NR3C2: variants seen among roughly 807,000 people sequenced by gnomAD.
NR3C2 encodes the protein mineralocorticoid receptor.
In NR3C2, 15 loss-of-function variants were observed where a neutral mutation model predicts 86.4. That is an observed-to-expected ratio of 0.17 (90% CI 0.12 to 0.27). NR3C2 has a LOEUF of 0.27. Among genes scored for constraint, NR3C2 ranks in the 10% least tolerant of loss-of-function variants. NR3C2 has a pLI of 1.00. For missense variants in NR3C2, 960 were observed against 1,195.6 expected (o/e 0.80, Z 2.91); for synonymous variants, 458 against 450.5 (o/e 1.02, Z -0.21).
intron 2 of NR3C2, among the ~76,000 whole-genome samples, chr4:148,429,237 G>A (rs1220341243): frequency 6.6e-6 from 1 of 152,064 alleles, no homozygotes; most frequent in African/African-American, 2.4e-5. Context: ...CCACTTACGA[G>A]CCAAATTTCA....
At chr4:148,205,127 G>A (rs147405665) in intron 3 of NR3C2, among the ~76,000 whole-genome samples, 23 of 152,288 alleles carry the variant, frequency 1.5e-4, no homozygotes, top group African/African-American at 5.1e-4. Context: ...GCATAGCCCA[G>A]TTTCTGAACA....
intron 2 of NR3C2, among the ~76,000 whole-genome samples, chr4:148,423,215 T>C (rs974771257): frequency 8.2e-6 from 1 of 121,646 alleles, no homozygotes; most frequent in African/African-American, 2.9e-5. Context: ...CCCTTTTATG[T>C]CATTCCTGAA....
At chr4:148,248,469 A>T (rs1384532202) in intron 3 of NR3C2, among the ~76,000 whole-genome samples, 1 of 152,198 alleles carries the variant, frequency 6.6e-6, no homozygotes, top group Admixed American at 6.5e-5. Flanking sequence ...AGATCTTGGT[A>T]CAGTTAATTA....
chr4:148,283,898 A>G (rs78361014), intron 2 of NR3C2, among the ~76,000 whole-genome samples: 1,879 of 152,310 alleles, frequency 0.012, 40 homozygotes, highest in African/African-American at 0.042. Flanking sequence ...CATAACACAC[A>G]GGAGACAACT....
chr4:148,151,595 T>G (rs1442304019), intron 6 of NR3C2, among the ~76,000 whole-genome samples: 1 of 152,230 alleles, frequency 6.6e-6, no homozygotes, highest in Non-Finnish European at 1.5e-5. Context: ...CTGGTACTAC[T>G]GAGGTGTGTT....
intron 2 of NR3C2, among the ~76,000 whole-genome samples, chr4:148,426,679 T>C (rs901512767): frequency 6.6e-6 from 1 of 152,224 alleles, no homozygotes; most frequent in African/African-American, 2.4e-5. Flanking sequence ...CAAAATGCAC[T>C]TTAAACTGTA....
In NR3C2 at chr4:148,318,345, T is replaced by C. The variant is rs539569587; in HGVS notation, c.1758-58228A>G. 4.6e-5 allele frequency among the ~76,000 whole-genome samples: 7 copies of C among 152,076 alleles called. No homozygotes were observed. The South Asian group carries it at 1.2e-3, about 27-fold the overall frequency. On this transcript the variant is annotated intron_variant, in intron 2 of 8. Transcript: ENST00000358102. ...ATGCCGCAATAAACATATGTGTCCA[T>C]GTGTCTTTATAGCAGCATGATTTAT... is the stretch of plus-strand genomic sequence containing the variant.
At chr4:148,211,530 TA>T (rs1737283495) in intron 3 of NR3C2, among the ~76,000 whole-genome samples, 1 of 152,186 alleles carries the variant, frequency 6.6e-6, no homozygotes. Context: ...AAAAATATAT[TA>T]GGAAAAAGCC....
chr4:148,380,290 T>C (rs1253143965), intron 2 of NR3C2, among the ~76,000 whole-genome samples: 1 of 152,224 alleles, frequency 6.6e-6, no homozygotes, highest in Non-Finnish European at 1.5e-5. Context: ...CATGTATCAG[T>C]ACTTCATCCA....
chr4:148,366,469 TTAAAAAGTACTCA>T (rs1746138742), intron 2 of NR3C2, among the ~76,000 whole-genome samples: 1 of 152,204 alleles, frequency 6.6e-6, no homozygotes, highest in African/African-American at 2.4e-5. Context: ...AGAATACTTT[TTAAAAAGTACTCA>T]GCACTTTTAA....
chr4:148,440,087 C>G (rs1750263665), intron 1 of NR3C2, among the ~76,000 whole-genome samples: 2 of 152,198 alleles, frequency 1.3e-5, no homozygotes, highest in Non-Finnish European at 2.9e-5. Context: ...TCTCATCTAC[C>G]AACCTAATGC....
intron 8 of NR3C2, among the ~76,000 whole-genome samples, chr4:148,110,713 G>T (rs1732010843): frequency 6.6e-6 from 1 of 152,112 alleles, no homozygotes; most frequent in African/African-American, 2.4e-5. Flanking sequence ...TCAAAATAAA[G>T]CTTTTAGAAT....
intron 2 of NR3C2, among the ~76,000 whole-genome samples, chr4:148,327,282 CAGAA>C (rs1234935899): frequency 2.0e-5 from 3 of 152,058 alleles, no homozygotes; most frequent in Admixed American, 6.5e-5. Flanking sequence ...TTCTTATTGA[CAGAA>C]AGAAATATTT....
chr4:148,135,937 G>A (rs1441103568), intron 6 of NR3C2, among the ~76,000 whole-genome samples: 1 of 126,244 alleles, frequency 7.9e-6, no homozygotes. Context: ...GGCGCCTGTA[G>A]TCCCAGCTAC....
chr4:148,427,561 G>A (rs1313674054), intron 2 of NR3C2, among the ~76,000 whole-genome samples: 1 of 151,668 alleles, frequency 6.6e-6, no homozygotes, highest in Non-Finnish European at 1.5e-5. Context: ...TCTAGTGGAG[G>A]GTGTCCGAAC....
intron 2 of NR3C2, among the ~76,000 whole-genome samples, chr4:148,356,703 C>T (rs1247129921): frequency 2.6e-5 from 4 of 152,120 alleles, no homozygotes; most frequent in South Asian, 2.1e-4. Flanking sequence ...TACAAAAATG[C>T]TATCTCAGTA....
At chr4:148,195,777 C>T (rs947326831) in intron 3 of NR3C2, among the ~76,000 whole-genome samples, 2 of 152,142 alleles carry the variant, frequency 1.3e-5, no homozygotes, top group Admixed American at 1.3e-4. Context: ...GATTACCTGG[C>T]ATGTTCTAGG....
At chr4:148,213,800 G>T (rs1372047316) in intron 3 of NR3C2, among the ~76,000 whole-genome samples, 1 of 152,150 alleles carries the variant, frequency 6.6e-6, no homozygotes, top group Non-Finnish European at 1.5e-5. Flanking sequence ...GCCATAAAAT[G>T]AATACGCCAC....
At chr4:148,415,416 T>C (rs1020594791) in intron 2 of NR3C2, among the ~76,000 whole-genome samples, 8 of 152,256 alleles carry the variant, frequency 5.3e-5, no homozygotes, top group African/African-American at 9.6e-5. Flanking sequence ...AACTATACTA[T>C]GAAAAATGTA....
Sources: allele counts gnomAD v4.1 joint callset (sites outside exome capture counted in the v4.1 genomes callset), GRCh38; gene constraint gnomAD v4.1.1; transcripts MANE v1.5; gene names NCBI Gene and HGNC (gene_info 2026-07-23, HGNC 2026-07-21).